The following ADAMTS20 variants were observed in gnomAD, a reference collection of about 807,000 sequenced individuals.
ADAMTS20 encodes ADAM metallopeptidase with thrombospondin type 1 motif 20.
Under a neutral mutation model 260.1 loss-of-function variants are expected in ADAMTS20, and 225 were observed. That is an observed-to-expected ratio of 0.87 (90% CI 0.78 to 0.97). ADAMTS20 has a LOEUF of 0.97. Among genes scored for constraint, ADAMTS20 ranks in the 50% least tolerant of loss-of-function variants. ADAMTS20 has a pLI of 0.00. For synonymous variants in ADAMTS20, 802 were observed against 769.5 expected, an observed-to-expected ratio of 1.04 and a Z score of -0.70; for missense variants, 2,400 against 2,337.7, an observed-to-expected ratio of 1.03 and a Z score of -0.55.
intron 37 of ADAMTS20, among the ~76,000 whole-genome samples, chr12:43,359,694 C>T (rs1188412553): frequency 6.6e-6 from 1 of 152,160 alleles, no homozygotes; most frequent in Non-Finnish European, 1.5e-5. Flanking sequence ...ATGGCCAATA[C>T]TTTTGACAAA....
chr12:43,492,581 A>G lies in ADAMTS20; in HGVS notation c.1000T>C (p.Cys334Arg). The change falls in exon 6 of 39, where the codon TGT (cysteine) becomes CGT (arginine). Residue 334 changes from cysteine to arginine, a missense_variant. Transcript: ENST00000389420. ...FDGATTLKNF[C>R]SWQQTQNDLD... ...TCATTCTGAGTTTGTTGCCATGAAC[A>G]AAAGTTCTTTAATGTGGTAGCACCA... 1 of 1,613,864 alleles carries G rather than the reference A, an allele frequency of 6.2e-7. No individual in the cohort carries two copies. Among genetic ancestry groups the G allele is most frequent in the South Asian group, 1.1e-5 (1 of 91,062 alleles).
chr12:43,492,147 G>A (rs1942608759), intron 6 of ADAMTS20, among the ~76,000 whole-genome samples: 1 of 152,150 alleles, frequency 6.6e-6, no homozygotes, highest in Non-Finnish European at 1.5e-5. Context: ...TTGGGAGGCC[G>A]AGGTGGGTGG....
chr12:43,438,101 T>C (rs1428919349), intron 18 of ADAMTS20, among the ~76,000 whole-genome samples: 1 of 152,218 alleles, frequency 6.6e-6, no homozygotes, highest in Non-Finnish European at 1.5e-5. Flanking sequence ...GAGTTCACTA[T>C]ATGGTAAAAG....
chr12:43,425,596 A>T lies in ADAMTS20; in HGVS notation c.4202T>A (p.Val1401Glu). The T allele has an allele frequency of 6.2e-7, 1 of 1,611,354 alleles. No individual in the cohort carries two copies. Among genetic ancestry groups the T allele is most frequent in the African/African-American group, 1.3e-5 (1 of 75,026 alleles). Residue 1401 changes from valine to glutamate, a missense_variant, in exon 28 of 39, where the codon GTA becomes GAA. Transcript: ENST00000389420. ...QILEDHNCEI[V>E]NKPPSVIQCH... Reference sequence around the variant, plus strand: ...CTGTATTACGCTAGGTGGCTTGTTTACAATTTCACAGTTGTGATCTTCTAA... The same window carrying T: ...CTGTATTACGCTAGGTGGCTTGTTTTCAATTTCACAGTTGTGATCTTCTAA...
intron 7 of ADAMTS20, among the ~76,000 whole-genome samples, chr12:43,475,672 C>A (rs1014506492): frequency 2.0e-5 from 3 of 149,864 alleles, no homozygotes; most frequent in Non-Finnish European, 1.5e-5. Context: ...CAGAACAGAG[C>A]CCTCAGAAAT....
intron 28 of ADAMTS20, among the ~76,000 whole-genome samples, chr12:43,412,274 T>C (rs1565685964): frequency 6.6e-6 from 1 of 152,216 alleles, no homozygotes; most frequent in South Asian, 2.1e-4. Flanking sequence ...AGATCTGATA[T>C]ACTATCCTAC....
intron 37 of ADAMTS20, among the ~76,000 whole-genome samples, chr12:43,368,670 T>G (rs1236173238): frequency 6.6e-6 from 1 of 152,070 alleles, no homozygotes; most frequent in East Asian, 1.9e-4. Context: ...TATATTCATC[T>G]AGCTTACAAT....
At chr12:43,522,556 T>C (rs562514786) in intron 3 of ADAMTS20, among the ~76,000 whole-genome samples, 2 of 152,314 alleles carry the variant, frequency 1.3e-5, no homozygotes, top group South Asian at 4.1e-4. Context: ...TAATGAGGTC[T>C]CCTGAGGAAC....
intron 16 of ADAMTS20, among the ~76,000 whole-genome samples, chr12:43,440,274 G>A (rs993448941): frequency 9.3e-5 from 14 of 150,448 alleles, no homozygotes; most frequent in African/African-American, 2.5e-4. Context: ...TCAGCCTCCC[G>A]AGTAGCTGAG....
At chr12:43,438,102 A>G (rs1177448535) in intron 18 of ADAMTS20, among the ~76,000 whole-genome samples, 1 of 152,234 alleles carries the variant, frequency 6.6e-6, no homozygotes, top group Non-Finnish European at 1.5e-5. Flanking sequence ...AGTTCACTAT[A>G]TGGTAAAAGA....
intron 3 of ADAMTS20, among the ~76,000 whole-genome samples, chr12:43,502,770 A>C (rs553999368): frequency 1.3e-5 from 2 of 152,264 alleles, no homozygotes; most frequent in East Asian, 3.9e-4. Context: ...TTAGGTTTTC[A>C]AGTCAACAAT....
intron 4 of ADAMTS20, among the ~76,000 whole-genome samples, chr12:43,501,575 G>T (rs1942767879): frequency 1.3e-5 from 2 of 151,318 alleles, no homozygotes; most frequent in South Asian, 2.1e-4. Context: ...CAGTTCTGTG[G>T]GTACTAGCAC....
At chr12:43,388,665 G>A (rs993350538) in intron 29 of ADAMTS20, among the ~76,000 whole-genome samples, 4 of 152,246 alleles carry the variant, frequency 2.6e-5, no homozygotes, top group South Asian at 2.1e-4. Flanking sequence ...CTATAAAAGC[G>A]GTACTATGGC....
chr12:43,377,599 T>G (rs748272049), intron 31 of ADAMTS20, 37 bp from the exon 32 acceptor site: 2 of 1,559,792 alleles, frequency 1.3e-6, no homozygotes, highest in African/African-American at 2.7e-5. Context: ...AAAATGTCAT[T>G]AACTTTAGCC....
At chr12:43,377,926 A>G (rs1940266242) in intron 31 of ADAMTS20, among the ~76,000 whole-genome samples, 1 of 152,230 alleles carries the variant, frequency 6.6e-6, no homozygotes. Flanking sequence ...AAGGGCATCT[A>G]TTAGCCTTAG....
At chr12:43,482,153 C>T (rs571903651) in intron 7 of ADAMTS20, among the ~76,000 whole-genome samples, 20 of 152,318 alleles carry the variant, frequency 1.3e-4, no homozygotes, top group African/African-American at 1.7e-4. Flanking sequence ...ATTCTCACAA[C>T]GAACCTCGCA....
chr12:43,467,705 A>G (rs1942180126), intron 8 of ADAMTS20, among the ~76,000 whole-genome samples: 1 of 152,086 alleles, frequency 6.6e-6, no homozygotes. Context: ...TTCATAAACA[A>G]CTTACAAAAT....
At chr12:43,527,944 C>T (rs77877900) in intron 3 of ADAMTS20, among the ~76,000 whole-genome samples, 14,298 of 151,946 alleles carry the variant, frequency 0.094, 808 homozygotes, top group Middle Eastern at 0.12. Context: ...AAAGACTAAA[C>T]AGTACTCCAA....
intron 7 of ADAMTS20, among the ~76,000 whole-genome samples, chr12:43,488,842 T>A (rs1942560492): frequency 1.3e-5 from 2 of 152,134 alleles, no homozygotes; most frequent in African/African-American, 4.8e-5. Context: ...AAATCTCCAA[T>A]AATTGTTTTG....
Sources: gnomAD v4.1 joint callset for allele counts (sites outside exome capture counted in the v4.1 genomes callset) on GRCh38, gnomAD v4.1.1 for gene constraint, MANE v1.5 for transcripts, NCBI Gene and HGNC (gene_info 2026-07-23, HGNC 2026-07-21) for gene names.